DNAJC15: variants seen among roughly 807,000 people sequenced by gnomAD.
DNAJC15 encodes dnaJ homolog subfamily C member 15.
Under a neutral mutation model 22.4 loss-of-function variants are expected in DNAJC15, and 27 were observed. The ratio of observed to expected loss-of-function variants is 1.20; its 90% CI spans 0.89 to 1.66. The LOEUF (loss-of-function observed/expected upper bound fraction) is 1.66. Ranked by LOEUF, DNAJC15 falls within the 40% of genes most tolerant of loss-of-function variation. DNAJC15 has a pLI of 0.00. For missense variants in DNAJC15, 208 were observed against 187.1 expected (o/e 1.11, Z -0.65); for synonymous variants, 79 against 63.2 (o/e 1.25, Z -1.19).
chr13:43,026,694 T>G (rs1268404191), intron 1 of DNAJC15, among the ~76,000 whole-genome samples: 1 of 152,162 alleles, frequency 6.6e-6, no homozygotes, highest in Non-Finnish European at 1.5e-5. Context: ...AAAGAAAAAC[T>G]TTCACACTGT....
At chr13:43,081,885 C>G (rs1414567944) in intron 4 of DNAJC15, among the ~76,000 whole-genome samples, 1 of 152,032 alleles carries the variant, frequency 6.6e-6, no homozygotes, top group Non-Finnish European at 1.5e-5. Flanking sequence ...TTCCACATAG[C>G]TGGGGAGGCC....
intron 2 of DNAJC15, 129 bp downstream of exon 2, chr13:43,065,866 C>T (rs1210884114): frequency 2.7e-6 from 2 of 745,700 alleles, no homozygotes; most frequent in Non-Finnish European, 4.4e-6. Context: ...CTCATTCTTT[C>T]CACCATTTGT....
At chr13:43,103,260 G>A (rs2040780068) in intron 5 of DNAJC15, among the ~76,000 whole-genome samples, 2 of 152,174 alleles carry the variant, frequency 1.3e-5, no homozygotes, top group Non-Finnish European at 1.5e-5. Context: ...CTGAAACTCT[G>A]TGTTGGAGGA....
At chr13:43,036,101 C>T (rs1299083895) in intron 1 of DNAJC15, among the ~76,000 whole-genome samples, 1 of 151,630 alleles carries the variant, frequency 6.6e-6, no homozygotes, top group African/African-American at 2.4e-5. Context: ...CACTATTTTT[C>T]AGATTCCATT....
At chr13:43,079,605 G>A (rs1199676768) in intron 4 of DNAJC15, among the ~76,000 whole-genome samples, 1 of 152,016 alleles carries the variant, frequency 6.6e-6, no homozygotes, top group African/African-American at 2.4e-5. Flanking sequence ...TTGCTATACT[G>A]CCAACTATTT....
Position 43,086,233 on chromosome 13 carries a change from A to ATATG in DNAJC15, c.382+397_382+400dup, listed in dbSNP as rs528517951. Among the ~76,000 whole-genome samples, 48 of 152,334 alleles carry ATATG rather than the reference A, an allele frequency of 3.2e-4. 2 individuals carry two copies. The South Asian group carries it at 8.9e-3, about 28-fold the overall frequency. On this transcript the variant is annotated intron_variant, in intron 5 of 5. Transcript: ENST00000379221. ...GATTTCCTCCAAATCTGTGAATGTA[A>ATATG]TATGTCATAGATGATTCTGAATTTC...
rs886616020 is a variant in DNAJC15 at position 43,109,242 on chromosome 13, C to T, written c.*1994C>T. 6.6e-6 allele frequency: 1 copy of T among 152,156 alleles called. No individual in the cohort carries two copies. 9.4% of individuals were successfully genotyped at this position (152,156 alleles called of 1,614,324 possible). ...GGCTATAGCTTGGTACCTTGTGAAG[C>T]AACTCTTGGTGTAACATACCTTATT... On this transcript the variant is annotated 3_prime_UTR_variant, in exon 6 of 6. Transcript: ENST00000379221.
intron 1 of DNAJC15, among the ~76,000 whole-genome samples, chr13:43,024,893 T>TACAAAAAAAAAAAAAAAAA (rs2040372592): frequency 2.3e-5 from 2 of 85,946 alleles, no homozygotes; most frequent in Non-Finnish European, 4.7e-5. Flanking sequence ...CCATCTCTGC[T>TACAAAAAAAAAAAAAAAAA]AAAAAAAAAA....
intron 1 of DNAJC15, among the ~76,000 whole-genome samples, chr13:43,062,408 A>T (rs1209751865): frequency 4.6e-5 from 7 of 152,252 alleles, no homozygotes; most frequent in Non-Finnish European, 1.0e-4. Flanking sequence ...ATGGCAAGTG[A>T]ATCCCTAGAA....
intron 3 of DNAJC15, among the ~76,000 whole-genome samples, chr13:43,073,326 G>A (rs926920607): frequency 6.6e-6 from 1 of 152,206 alleles, no homozygotes; most frequent in African/African-American, 2.4e-5. Flanking sequence ...GTTGAGCACC[G>A]TGTATATTTT....
chr13:43,060,728 A>G (rs1017938832), intron 1 of DNAJC15, among the ~76,000 whole-genome samples: 1 of 152,236 alleles, frequency 6.6e-6, no homozygotes, highest in Non-Finnish European at 1.5e-5. Flanking sequence ...CTAAATACCA[A>G]GAGCCTGAGA....
intron 2 of DNAJC15, among the ~76,000 whole-genome samples, chr13:43,066,451 AT>A (rs2040584499): frequency 6.6e-6 from 1 of 152,080 alleles, no homozygotes; most frequent in African/African-American, 2.4e-5. Context: ...TCTTAAAAAG[AT>A]TTTGTGATTA....
At chr13:43,033,899 G>A (rs1474304807) in intron 1 of DNAJC15, among the ~76,000 whole-genome samples, 1 of 151,878 alleles carries the variant, frequency 6.6e-6, no homozygotes, top group Non-Finnish European at 1.5e-5. Flanking sequence ...ATGGTAGCAG[G>A]TGCCTATAAT....
At chr13:43,073,724 C>A (rs1179564234) in intron 3 of DNAJC15, among the ~76,000 whole-genome samples, 2 of 151,968 alleles carry the variant, frequency 1.3e-5, no homozygotes, top group African/African-American at 4.8e-5. Flanking sequence ...CTATTTATCC[C>A]ATTTCTTGTT....
intron 5 of DNAJC15, among the ~76,000 whole-genome samples, chr13:43,103,307 G>A (rs2153442343): frequency 6.6e-6 from 1 of 152,200 alleles, no homozygotes; most frequent in African/African-American, 2.4e-5. Flanking sequence ...TGAACTGACA[G>A]CTTTTGTAAA....
At chr13:43,059,113 T>A (rs1048596618) in intron 1 of DNAJC15, among the ~76,000 whole-genome samples, 1 of 152,204 alleles carries the variant, frequency 6.6e-6, no homozygotes, top group Non-Finnish European at 1.5e-5. Context: ...CACGTCCGAG[T>A]GGGAGCTGGA....
At chr13:43,073,483 A>G (rs1361034648) in intron 3 of DNAJC15, among the ~76,000 whole-genome samples, 1 of 106,186 alleles carries the variant, frequency 9.4e-6, no homozygotes, top group African/African-American at 3.8e-5. Flanking sequence ...TCTCAGCCTG[A>G]GGGCATGACA....
At chr13:43,072,873 A>G (rs1027467367) in intron 3 of DNAJC15, among the ~76,000 whole-genome samples, 2 of 152,110 alleles carry the variant, frequency 1.3e-5, no homozygotes, top group Admixed American at 1.3e-4. Flanking sequence ...CAACGTTAGT[A>G]ATTTTCTAAC....
chr13:43,102,535 G>T (rs111597144), intron 5 of DNAJC15, among the ~76,000 whole-genome samples: 33 of 152,244 alleles, frequency 2.2e-4, no homozygotes, highest in East Asian at 5.8e-4. Context: ...CAGCACTTTG[G>T]GGGGAGGAGG....
Sources: allele counts gnomAD v4.1 joint callset (sites outside exome capture counted in the v4.1 genomes callset), GRCh38; gene constraint gnomAD v4.1.1; transcripts MANE v1.5; gene names NCBI Gene and HGNC (gene_info 2026-07-23, HGNC 2026-07-21).